PEX5L: variants seen among roughly 807,000 people sequenced by gnomAD.
The protein encoded by PEX5L is peroxisomal biogenesis factor 5 like.
Under a neutral mutation model 84.0 loss-of-function variants are expected in PEX5L, and 30 were observed. The ratio of observed to expected loss-of-function variants is 0.36; its 90% CI spans 0.27 to 0.48. The LOEUF (loss-of-function observed/expected upper bound fraction) is 0.48. Among genes scored for constraint, PEX5L ranks in the 20% least tolerant of loss-of-function variants. The pLI, the probability that PEX5L is intolerant of heterozygous loss-of-function variation, is 0.99. For synonymous variants in PEX5L, 270 were observed against 283.1 expected (o/e 0.95, Z 0.46); for missense variants, 533 against 754.6 (o/e 0.71, Z 3.44).
chr3:179,989,138 A>C (rs1343214325), intron 1 of PEX5L, among the ~76,000 whole-genome samples: 3 of 152,186 alleles, frequency 2.0e-5, no homozygotes, highest in Non-Finnish European at 4.4e-5. Flanking sequence ...AACAGAGCTA[A>C]GTTGTCTGGT....
intron 2 of PEX5L, among the ~76,000 whole-genome samples, chr3:179,906,329 A>T (rs1244246005): frequency 2.6e-5 from 4 of 152,200 alleles, no homozygotes. Context: ...GCTTTGAATC[A>T]GTAAAGTTTT....
chr3:179,970,815 T>C (rs1784528069), intron 2 of PEX5L, among the ~76,000 whole-genome samples: 1 of 152,150 alleles, frequency 6.6e-6, no homozygotes, highest in African/African-American at 2.4e-5. Context: ...CTCAGATCTC[T>C]TTGAATTATT....
chr3:179,844,581 C>A (rs1039828403), intron 8 of PEX5L, among the ~76,000 whole-genome samples: 1 of 152,200 alleles, frequency 6.6e-6, no homozygotes, highest in Non-Finnish European at 1.5e-5. Context: ...GTAATCCCAG[C>A]ATTTTGGGAG....
intron 8 of PEX5L, among the ~76,000 whole-genome samples, chr3:179,821,902 T>G (rs1171237938): frequency 6.6e-6 from 1 of 152,206 alleles, no homozygotes; most frequent in African/African-American, 2.4e-5. Context: ...TTCCTGCCTC[T>G]TCATACTTTT....
intron 2 of PEX5L, among the ~76,000 whole-genome samples, chr3:179,945,642 A>C (rs968311763): frequency 6.6e-6 from 1 of 152,170 alleles, no homozygotes; most frequent in Non-Finnish European, 1.5e-5. Flanking sequence ...TGAAAGGTCA[A>C]TAAACATTTA....
At chr3:179,806,214 T>C (rs1307433611) in intron 14 of PEX5L, among the ~76,000 whole-genome samples, 2 of 152,034 alleles carry the variant, frequency 1.3e-5, no homozygotes, top group African/African-American at 4.8e-5. Flanking sequence ...ATAGGAAATC[T>C]GGCCGGGAAA....
chr3:179,956,368 C>T lies in PEX5L; in HGVS notation c.93+15226G>A, dbSNP rs1405226917. Among the ~76,000 whole-genome samples the T allele has an allele frequency of 6.6e-5, 10 of 152,186 alleles. No individual in the cohort carries two copies. The East Asian group carries it at 1.7e-3, about 26-fold the overall frequency. ...GCTTATAAAATAATACATTCTAAAA[C>T]GAATTCACGATTATTTCTTTTCATC... On this transcript the variant is annotated intron_variant, in intron 2 of 14. Transcript: ENST00000467460.
At chr3:179,839,193 G>A (rs9862040) in intron 8 of PEX5L, among the ~76,000 whole-genome samples, 2,278 of 152,166 alleles carry the variant, frequency 0.015, 53 homozygotes, top group African/African-American at 0.052. Flanking sequence ...GAAGATGATT[G>A]AAATCTGTTT....
chr3:179,795,182 A>G lies in PEX5L; in HGVS notation c.*6646T>C, dbSNP rs1362666351. 6.6e-6 allele frequency: 1 copy of G among 152,222 alleles called. No homozygotes were observed. Among genetic ancestry groups the G allele is most frequent in the Non-Finnish European group, 1.5e-5 (1 of 68,046 alleles). The allele number at this position is 152,222 out of a possible 1,614,324, so 9.4% of individuals were successfully genotyped here. A position where few individuals can be genotyped will look rare whatever the true frequency, so the allele number is the denominator to read the frequency against. ...AGTAGTACAAATTGGATTCCATTTGATCAGAAGGAGTTCTGATCCCCAAAT... is the reference window on the plus strand; with the variant it reads ...AGTAGTACAAATTGGATTCCATTTGGTCAGAAGGAGTTCTGATCCCCAAAT... On this transcript the variant is annotated 3_prime_UTR_variant, in exon 15 of 15. Coordinates refer to ENST00000467460, the MANE Select transcript of PEX5L (RefSeq NM_016559.3).
chr3:179,892,904 C>T (rs1305020853), intron 3 of PEX5L, among the ~76,000 whole-genome samples: 3 of 152,156 alleles, frequency 2.0e-5, no homozygotes, highest in African/African-American at 7.2e-5. Flanking sequence ...AAGCCAGCAA[C>T]ACTTCATCAC....
chr3:179,963,733 G>A (rs1782645245), intron 2 of PEX5L, among the ~76,000 whole-genome samples: 1 of 152,036 alleles, frequency 6.6e-6, no homozygotes, highest in Non-Finnish European at 1.5e-5. Flanking sequence ...TTCCAACAAG[G>A]TGGCAATCCG....
chr3:179,983,966 C>T (rs530697096), intron 1 of PEX5L, among the ~76,000 whole-genome samples: 1 of 152,094 alleles, frequency 6.6e-6, no homozygotes, highest in South Asian at 2.1e-4. Context: ...ATGACCAACA[C>T]TAGAATGTTA....
chr3:179,975,489 A>G (rs1785660188), intron 1 of PEX5L, among the ~76,000 whole-genome samples: 1 of 152,228 alleles, frequency 6.6e-6, no homozygotes, highest in Non-Finnish European at 1.5e-5. Flanking sequence ...TAATTGTACA[A>G]ATTAGCCCTA....
At chr3:179,941,420 T>G (rs904982045) in intron 2 of PEX5L, among the ~76,000 whole-genome samples, 13 of 152,216 alleles carry the variant, frequency 8.5e-5, no homozygotes, top group Non-Finnish European at 1.6e-4. Context: ...GTGTCTGCAT[T>G]ATTTCATTCA....
intron 1 of PEX5L, among the ~76,000 whole-genome samples, chr3:180,029,498 A>G (rs1383443773): frequency 6.6e-6 from 1 of 152,240 alleles, no homozygotes; most frequent in Non-Finnish European, 1.5e-5. Flanking sequence ...AAAAACTACA[A>G]CAAATTGGCT....
intron 7 of PEX5L, among the ~76,000 whole-genome samples, chr3:179,865,425 G>A (rs543181950): frequency 2.0e-5 from 3 of 152,128 alleles, no homozygotes; most frequent in African/African-American, 7.2e-5. Context: ...GCAACTTAGC[G>A]GTGTGCTCAG....
intron 1 of PEX5L, among the ~76,000 whole-genome samples, chr3:179,972,218 T>C (rs1041945296): frequency 3.3e-5 from 5 of 151,746 alleles, no homozygotes; most frequent in African/African-American, 7.3e-5. Flanking sequence ...ATAACTAAAA[T>C]AATTTACAAA....
At chr3:179,832,330 G>C (rs1733355010) in intron 8 of PEX5L, among the ~76,000 whole-genome samples, 1 of 151,788 alleles carries the variant, frequency 6.6e-6, no homozygotes, top group South Asian at 2.1e-4. Context: ...AAACCTTCCT[G>C]CTTACTTACC....
intron 8 of PEX5L, among the ~76,000 whole-genome samples, chr3:179,833,890 A>G (rs2111394): frequency 0.39 from 58,856 of 152,018 alleles, 11,871 homozygotes; most frequent in East Asian, 0.72. Flanking sequence ...GCTAGAGTGC[A>G]GTGGTGCAAT....
Sources: allele counts gnomAD v4.1 joint callset (sites outside exome capture counted in the v4.1 genomes callset), GRCh38; gene constraint gnomAD v4.1.1; transcripts MANE v1.5; gene names NCBI Gene and HGNC (gene_info 2026-07-23, HGNC 2026-07-21).